TBC1D32: variants seen among roughly 807,000 people sequenced by gnomAD.
TBC1D32 encodes the protein TBC1 domain family member 32, also known as protein broad-minded.
In TBC1D32, 151 loss-of-function variants were observed where a neutral mutation model predicts 170.3. That is an observed-to-expected ratio of 0.89 (90% CI 0.78 to 1.01). TBC1D32 has a LOEUF of 1.01. TBC1D32 is among the 50% of genes least tolerant of loss of function. TBC1D32 has a pLI of 0.00. For missense variants in TBC1D32, 1,464 were observed against 1,457.1 expected (o/e 1.00, Z -0.08); for synonymous variants, 498 against 488.0 (o/e 1.02, Z -0.27).
chr6:121,295,041 T>C (rs1371446460), intron 10 of TBC1D32, among the ~76,000 whole-genome samples: 1 of 152,074 alleles, frequency 6.6e-6, no homozygotes, highest in Non-Finnish European at 1.5e-5. Context: ...GCTAGCAAAA[T>C]ATCAAGTGGA....
intron 29 of TBC1D32, among the ~76,000 whole-genome samples, chr6:121,110,965 T>C (rs7760742): frequency 0.94 from 142,427 of 152,132 alleles, 67,003 homozygotes; most frequent in Non-Finnish European, 0.98. Context: ...AATGATGCTA[T>C]GGAAGGCACT....
At chr6:121,241,110 T>C (rs543832268) in intron 19 of TBC1D32, among the ~76,000 whole-genome samples, 1 of 152,240 alleles carries the variant, frequency 6.6e-6, no homozygotes, top group African/African-American at 2.4e-5. Flanking sequence ...AAGCATTAGA[T>C]AATCCTATCA....
At chr6:121,329,669 T>TA (rs1436611153) in intron 1 of TBC1D32, among the ~76,000 whole-genome samples, 1 of 151,230 alleles carries the variant, frequency 6.6e-6, no homozygotes, top group Non-Finnish European at 1.5e-5. Context: ...AATAAATAAA[T>TA]AAAATAAAAA....
At chr6:121,190,396 T>C in intron 22 of TBC1D32, among the ~76,000 whole-genome samples, 2 of 113,994 alleles carry the variant, frequency 1.8e-5, no homozygotes. Context: ...CACATACCCC[T>C]TCCCCCCACA....
intron 17 of TBC1D32, among the ~76,000 whole-genome samples, chr6:121,247,361 T>C (rs1264129269): frequency 2.0e-5 from 3 of 150,360 alleles, no homozygotes; most frequent in Non-Finnish European, 4.4e-5. Context: ...TACACCAAAA[T>C]AGAACCTCCA....
chr6:121,103,790 C>T (rs957665010), intron 30 of TBC1D32, among the ~76,000 whole-genome samples: 1 of 151,834 alleles, frequency 6.6e-6, no homozygotes, highest in Non-Finnish European at 1.5e-5. Flanking sequence ...AGACAATACA[C>T]ATTACACTAA....
chr6:121,296,729 C>G (rs1322686784), intron 10 of TBC1D32, among the ~76,000 whole-genome samples: 1 of 151,806 alleles, frequency 6.6e-6, no homozygotes, highest in Non-Finnish European at 1.5e-5. Context: ...TCCTTTGACC[C>G]ATTTTCTAAC....
At chr6:121,144,032 C>T (rs1416276975) in intron 24 of TBC1D32, among the ~76,000 whole-genome samples, 1 of 152,112 alleles carries the variant, frequency 6.6e-6, no homozygotes, top group Non-Finnish European at 1.5e-5. Flanking sequence ...TGCTGTCTTC[C>T]TTAACAAAAC....
chr6:121,160,030 C>T lies in TBC1D32; in HGVS notation c.2753G>A (p.Arg918Lys). The change falls in exon 24 of 32, where the codon AGA becomes AAA. Residue 918 changes from arginine (R) to lysine (K), a missense_variant. Coordinates refer to ENST00000398212, the MANE Select transcript of TBC1D32 (RefSeq NM_152730.6). ...LPNCYLSDIT[R>K]NAGIKQDNDL... Reference sequence around the variant, plus strand: ...TTTACCTTGTTTTATACCAGCATTTCTTGTAATGTCTGACAGATAGCAGTT... The same window carrying T: ...TTTACCTTGTTTTATACCAGCATTTTTTGTAATGTCTGACAGATAGCAGTT... 1 of 1,603,986 alleles carries T rather than the reference C, an allele frequency of 6.2e-7. No homozygotes were observed. The highest frequency in any genetic ancestry group is 1.1e-5 in the South Asian group (1 of 90,434).
chr6:121,091,053 A>T lies in TBC1D32; in HGVS notation c.3466-12T>A, dbSNP rs1164868828. 1.3e-6 allele frequency: 2 copies of T among 1,575,524 alleles called. No individual in the cohort carries two copies. The highest frequency in any genetic ancestry group is 1.7e-6 in the Non-Finnish European group (2 of 1,169,412). ...CATTGCAGGCAAATCTTTAAAAAAA[A>T]AAAGTAGTAAGTTCATTAAAAAATT... On this transcript the variant is annotated splice_polypyrimidine_tract_variant and intron_variant, in intron 30 of 31. Coordinates refer to ENST00000398212, the MANE Select transcript of TBC1D32 (RefSeq NM_152730.6).
intron 30 of TBC1D32, among the ~76,000 whole-genome samples, chr6:121,095,283 A>T (rs978365889): frequency 2.6e-5 from 4 of 152,266 alleles, no homozygotes; most frequent in African/African-American, 9.6e-5. Context: ...ATGCCAGAGG[A>T]CATTAAGATG....
chr6:121,235,246 T>G (rs1796192820), intron 20 of TBC1D32, among the ~76,000 whole-genome samples: 1 of 152,156 alleles, frequency 6.6e-6, no homozygotes, highest in Non-Finnish European at 1.5e-5. Context: ...GGATGCAACC[T>G]TGCCCTAGGG....
chr6:121,127,754 T>G (rs922325400), intron 25 of TBC1D32, among the ~76,000 whole-genome samples: 2 of 152,186 alleles, frequency 1.3e-5, no homozygotes, highest in Admixed American at 6.5e-5. Flanking sequence ...CTTAGTTTAA[T>G]GATAATAATT....
intron 22 of TBC1D32, among the ~76,000 whole-genome samples, chr6:121,193,663 G>T (rs1790361203): frequency 6.6e-6 from 1 of 152,232 alleles, no homozygotes; most frequent in Non-Finnish European, 1.5e-5. Context: ...GCAGCAAACA[G>T]AACAGTCTGA....
intron 1 of TBC1D32, among the ~76,000 whole-genome samples, chr6:121,332,924 C>T (rs1366904831): frequency 6.6e-6 from 1 of 151,924 alleles, no homozygotes; most frequent in African/African-American, 2.4e-5. Flanking sequence ...TCGTAAATAC[C>T]AAAGAAATTA....
In TBC1D32 at chr6:121,126,374, G is replaced by A. The variant is rs1262567570; in HGVS notation, c.2983+4C>T. 6.2e-7 allele frequency: 1 copy of A among 1,603,740 alleles called. No individual in the cohort carries two copies. ...TTTCAAACTTCACAATGTTTAAAAT[G>A]TACCTGTATACTCCACTGAAGGGAA... On this transcript the variant is annotated splice_donor_region_variant and intron_variant, in intron 26 of 31. Coordinates refer to ENST00000398212, the MANE Select transcript of TBC1D32 (RefSeq NM_152730.6).
chr6:121,304,678 G>GA (rs1807046361), intron 6 of TBC1D32, 53 bp from the exon 7 acceptor site: 2 of 1,537,826 alleles, frequency 1.3e-6, no homozygotes, highest in African/African-American at 2.8e-5. Flanking sequence ...AGTGCTTTCT[G>GA]AAAAAAATTA....
At chr6:121,266,961 T>A (rs1800586967) in intron 15 of TBC1D32, among the ~76,000 whole-genome samples, 1 of 151,122 alleles carries the variant, frequency 6.6e-6, no homozygotes, top group Non-Finnish European at 1.5e-5. Context: ...AGATAATGCA[T>A]GCAGGGCTTA....
intron 22 of TBC1D32, among the ~76,000 whole-genome samples, chr6:121,192,920 T>C (rs760374965): frequency 8.5e-5 from 13 of 152,054 alleles, no homozygotes; most frequent in Non-Finnish European, 1.8e-4. Flanking sequence ...CAGAAAATAA[T>C]GTTGATTCTC....
Sources: gnomAD v4.1 joint callset for allele counts (sites outside exome capture counted in the v4.1 genomes callset) on GRCh38, gnomAD v4.1.1 for gene constraint, MANE v1.5 for transcripts, NCBI Gene and HGNC (gene_info 2026-07-23, HGNC 2026-07-21) for gene names.